Variants in RAP1B observed in about 807,000 individuals in gnomAD.
The protein encoded by RAP1B is RAP1B, member of RAS oncogene family, also known as ras-related protein Rap-1b.
RAP1B carries 1 observed loss-of-function variant against 27.5 expected under a neutral mutation model. The ratio of observed to expected loss-of-function variants is 0.04; its 90% CI spans 0.01 to 0.17. RAP1B has a LOEUF of 0.17. Ranked by LOEUF, RAP1B falls within the 10% of genes least tolerant of loss-of-function variation. The pLI is 1.00. For missense variants in RAP1B, 84 were observed against 214.8 expected, an observed-to-expected ratio of 0.39 and a Z score of 3.81; for synonymous variants, 75 against 73.1, an observed-to-expected ratio of 1.03 and a Z score of -0.13.
At chr12:68,642,420 T>C in intron 1 of RAP1B, 2 of 578,192 alleles carry the variant, frequency 3.5e-6, no homozygotes, top group Non-Finnish European at 6.1e-6. Context: ...TTACTGTGCC[T>C]AAAATTATGG....
chr12:68,650,631 A>T, intron 3 of RAP1B, 163 bp downstream of exon 3: 3 of 632,050 alleles, frequency 4.7e-6, no homozygotes, highest in Non-Finnish European at 7.0e-6. Context: ...TACCAGTTTA[A>T]GAGGATCATA....
intron 1 of RAP1B, among the ~76,000 whole-genome samples, chr12:68,615,886 G>T (rs1870954125): frequency 6.6e-6 from 1 of 152,038 alleles, no homozygotes; most frequent in Non-Finnish European, 1.5e-5. Context: ...GGTACTGGGG[G>T]ATTGAATGTT....
At chr12:68,648,160 TCTA>T (rs1873554837) in intron 1 of RAP1B, 1 of 153,046 alleles carries the variant, frequency 6.5e-6, no homozygotes, top group African/African-American at 2.4e-5. Flanking sequence ...TACTAAACAT[TCTA>T]AGTAGACGTT....
chr12:68,671,812 T>C lies in RAP1B; in HGVS notation c.*12563T>C, dbSNP rs1486701789. The stretch of plus-strand genomic sequence containing the variant: ...TTCTGGAATATAAAAAAAAAAGCTA[T>C]ATGAATGTCATCATTATATGTAAAA... On this transcript the variant is annotated 3_prime_UTR_variant, in exon 8 of 8. Transcript: ENST00000250559. 6.6e-6 allele frequency: 1 copy of C among 152,098 alleles called. No homozygotes were observed. The highest frequency in any genetic ancestry group is 6.5e-5 in the Admixed American group (1 of 15,272). The allele number at this position is 152,098 out of a possible 1,614,324, so 9.4% of individuals were successfully genotyped here.
At chr12:68,620,994 A>G (rs1871349654) in intron 1 of RAP1B, among the ~76,000 whole-genome samples, 1 of 152,190 alleles carries the variant, frequency 6.6e-6, no homozygotes, top group East Asian at 1.9e-4. Context: ...TATTGTGCAC[A>G]GTTTCTTGGA....
At chr12:68,628,894 A>G (rs767419662) in intron 1 of RAP1B, among the ~76,000 whole-genome samples, 8 of 152,348 alleles carry the variant, frequency 5.3e-5, no homozygotes, top group South Asian at 4.1e-4. Context: ...AGGAAGCTCT[A>G]TTGGACAGCA....
At chr12:68,656,602 T>A in intron 6 of RAP1B, 153 bp downstream of exon 6, 1 of 702,966 alleles carries the variant, frequency 1.4e-6, no homozygotes. Flanking sequence ...TGTATCTATG[T>A]AGTAAATAAA....
chr12:68,626,773 T>C, intron 1 of RAP1B: 4 of 1,166,618 alleles, frequency 3.4e-6, no homozygotes, highest in Non-Finnish European at 4.8e-6. Context: ...TTTTCCAGGG[T>C]GTTTTTTTTT....
rs1874605775 is a variant in RAP1B at position 68,661,759 on chromosome 12, A to C, written c.*2510A>C. Reference sequence around the variant, plus strand: ...GGAGGGCAAAATCACCCTGGTGAAGAACTACTGCTCTGGTGGGAAACAACA... The same window carrying C: ...GGAGGGCAAAATCACCCTGGTGAAGCACTACTGCTCTGGTGGGAAACAACA... On this transcript the variant is annotated 3_prime_UTR_variant, in exon 8 of 8. Coordinates refer to ENST00000250559, the MANE Select transcript of RAP1B (RefSeq NM_001010942.3). The C allele has an allele frequency of 6.6e-6, 1 of 152,040 alleles. No homozygotes were observed. Among genetic ancestry groups the C allele is most frequent in the African/African-American group, 2.4e-5 (1 of 41,374 alleles). The allele number at this position is 152,040 out of a possible 1,614,324, so 9.4% of individuals were successfully genotyped here. A position where few individuals can be genotyped will look rare whatever the true frequency, so the allele number is the denominator to read the frequency against.
intron 1 of RAP1B, among the ~76,000 whole-genome samples, chr12:68,612,295 A>G (rs983995468): frequency 2.6e-5 from 4 of 152,368 alleles, no homozygotes; most frequent in Non-Finnish European, 4.4e-5. Flanking sequence ...CTTGCTCAAC[A>G]AGACCTTATC....
rs1874611276 is a variant in RAP1B, at chr12:68,661,903, C to G, written c.*2654C>G. ...TTAATCCCAGCTCTTCCAGTTCCTA[C>G]TATATGCCTTTGGTTGGGTGCCTTG... On this transcript the variant is annotated 3_prime_UTR_variant, in exon 8 of 8. Coordinates refer to ENST00000250559, the MANE Select transcript of RAP1B (RefSeq NM_001010942.3). 6.6e-6 allele frequency: 1 copy of G among 151,524 alleles called. No homozygotes were observed. The highest frequency in any genetic ancestry group is 1.5e-5 in the Non-Finnish European group (1 of 67,926). The allele number at this position is 151,524 out of a possible 1,614,324, so 9.4% of individuals were successfully genotyped here.
chr12:68,621,323 G>T lies in RAP1B; in HGVS notation c.-27+10280G>T, dbSNP rs536277790. The T allele has an allele frequency of 2.0e-5, 3 of 152,298 alleles. No individual in the cohort carries two copies. The South Asian group carries it at 6.2e-4, about 32-fold the overall frequency. 9.4% of individuals were successfully genotyped at this position (152,298 alleles called of 1,614,324 possible). A position where few individuals can be genotyped will look rare whatever the true frequency, so the allele number is the denominator to read the frequency against. ...TACTGAGATCGTATTTTATGTCCAG[G>T]ACATCCAAATTAGTCACAAGGTTGT... On this transcript the variant is annotated intron_variant, in intron 1 of 7. Coordinates refer to ENST00000250559, the MANE Select transcript of RAP1B (RefSeq NM_001010942.3).
chr12:68,617,763 A>G (rs901202503), intron 1 of RAP1B, among the ~76,000 whole-genome samples: 2 of 151,584 alleles, frequency 1.3e-5, no homozygotes, highest in African/African-American at 4.9e-5. Context: ...AAAATAATAC[A>G]GTAATGTACT....
intron 1 of RAP1B, among the ~76,000 whole-genome samples, chr12:68,644,699 T>C (rs1252464562): frequency 7.2e-6 from 1 of 138,900 alleles, no homozygotes; most frequent in African/African-American, 2.7e-5. Flanking sequence ...TTTTTTTTTT[T>C]TTTTTTTGAG....
Position 68,654,117 on chromosome 12 carries a change from A to G in RAP1B, c.189A>G (p.Gln63=), listed in dbSNP as rs989482978. ...LEILDTAGTE[Q]FTAMRDLYMK... is the part of the protein sequence containing the mutation. ...TTCCTTTCTTTCTATTGTAGGAGCA[A>G]TTTACAGCAATGAGGGATTTATACA... The change falls in exon 5 of 8, where the codon CAA becomes CAG. Residue 63 remains glutamine, a synonymous_variant. Coordinates refer to ENST00000250559, the MANE Select transcript of RAP1B (RefSeq NM_001010942.3). 3 of 1,590,516 alleles carry G rather than the reference A, an allele frequency of 1.9e-6. No homozygotes were observed. The highest frequency in any genetic ancestry group is 2.6e-6 in the Non-Finnish European group (3 of 1,161,528).
chr12:68,670,287 T>C lies in RAP1B; in HGVS notation c.*11038T>C, dbSNP rs1011243791. 1 of 152,158 alleles carries C rather than the reference T, an allele frequency of 6.6e-6. No homozygotes were observed. The highest frequency in any genetic ancestry group is 2.4e-5 in the African/African-American group (1 of 41,434). The allele number at this position is 152,158 out of a possible 1,614,324, so 9.4% of individuals were successfully genotyped here. A position where few individuals can be genotyped will look rare whatever the true frequency, so the allele number is the denominator to read the frequency against. On this transcript the variant is annotated 3_prime_UTR_variant, in exon 8 of 8. Transcript: ENST00000250559. Reference sequence around the variant, plus strand: ...AGTATCAGTAAAATGCTAGCACAACTAACTATCTGTCTAAAGACAATAAAA... The same window carrying C: ...AGTATCAGTAAAATGCTAGCACAACCAACTATCTGTCTAAAGACAATAAAA...
chr12:68,651,725 C>T, intron 3 of RAP1B: 1 of 380,084 alleles, frequency 2.6e-6, no homozygotes, highest in Non-Finnish European at 4.8e-6. Context: ...GAATTAAGTG[C>T]TGAGAATCCA....
In RAP1B at chr12:68,661,905, A is replaced by G. The variant is rs1874611397; in HGVS notation, c.*2656A>G. On this transcript the variant is annotated 3_prime_UTR_variant, in exon 8 of 8. Transcript: ENST00000250559. ...AATCCCAGCTCTTCCAGTTCCTACT[A>G]TATGCCTTTGGTTGGGTGCCTTGGT... 6.6e-6 allele frequency: 1 copy of G among 151,602 alleles called. No individual in the cohort carries two copies. Among genetic ancestry groups the G allele is most frequent in the African/African-American group, 2.4e-5 (1 of 41,262 alleles). 9.4% of individuals were successfully genotyped at this position (151,602 alleles called of 1,614,324 possible).
At chr12:68,616,785 C>CA (rs1250505796) in intron 1 of RAP1B, among the ~76,000 whole-genome samples, 9 of 152,148 alleles carry the variant, frequency 5.9e-5, no homozygotes, top group Admixed American at 3.9e-4. Context: ...AAGCTCACCT[C>CA]AAACTCGTGG....
Sources: allele counts gnomAD v4.1 joint callset (sites outside exome capture counted in the v4.1 genomes callset), GRCh38; gene constraint gnomAD v4.1.1; transcripts MANE v1.5; gene names NCBI Gene and HGNC (gene_info 2026-07-23, HGNC 2026-07-21).